The following CREB5 variants were observed in gnomAD, a reference collection of about 807,000 sequenced individuals.
The protein encoded by CREB5 is cyclic AMP-responsive element-binding protein 5.
Under a neutral mutation model 57.1 loss-of-function variants are expected in CREB5, and 19 were observed. The observed-to-expected ratio is 0.33, with a 90% CI of 0.23 to 0.49. The LOEUF (loss-of-function observed/expected upper bound fraction) is 0.49, where lower values mean the gene tolerates loss of function less well. CREB5 is among the 20% of genes least tolerant of loss of function. CREB5 has a pLI of 0.99. For synonymous variants in CREB5, 238 were observed against 238.3 expected, an observed-to-expected ratio of 1.00 and a Z score of 0.01; for missense variants, 579 against 671.6, an observed-to-expected ratio of 0.86 and a Z score of 1.52.
intron 2 of CREB5, among the ~76,000 whole-genome samples, chr7:28,489,019 A>G (rs1461574418): frequency 6.6e-6 from 1 of 152,260 alleles, no homozygotes; most frequent in Non-Finnish European, 1.5e-5. Flanking sequence ...TACCTTTGGA[A>G]GGTGACAGTG....
chr7:28,648,874 TTTCTGAAGTCTCTC>T (rs1448470457), intron 5 of CREB5, among the ~76,000 whole-genome samples: 1 of 152,246 alleles, frequency 6.6e-6, no homozygotes, highest in African/African-American at 2.4e-5. Context: ...AGCCTGTGCT[TTTCTGAAGTCTCTC>T]TTCTTTTGCT....
upstream of CREB5, chr7:28,410,283 C>A: frequency 2.2e-6 from 1 of 456,446 alleles, no homozygotes; most frequent in South Asian, 1.5e-5. Context: ...GCCTCCGCTG[C>A]TTTCTTGCTG....
intron 8 of CREB5, among the ~76,000 whole-genome samples, chr7:28,804,903 C>G (rs902093382): frequency 2.6e-5 from 4 of 152,166 alleles, no homozygotes; most frequent in African/African-American, 7.2e-5. Context: ...TTAATTCTAA[C>G]CCTGGTTCTA....
chr7:28,810,618 T>C (rs1809058092), intron 9 of CREB5, among the ~76,000 whole-genome samples: 1 of 152,184 alleles, frequency 6.6e-6, no homozygotes. Context: ...ATGGCTTGAA[T>C]GCAGGAGGGA....
At chr7:28,622,834 A>G (rs1168343485) in intron 5 of CREB5, among the ~76,000 whole-genome samples, 1 of 152,112 alleles carries the variant, frequency 6.6e-6, no homozygotes, top group East Asian at 1.9e-4. Context: ...CAGCCTGGGT[A>G]ACATAGTGAG....
chr7:28,734,229 A>C (rs1173718835), intron 7 of CREB5, among the ~76,000 whole-genome samples: 7 of 145,024 alleles, frequency 4.8e-5, no homozygotes, highest in African/African-American at 9.9e-5. Flanking sequence ...AAAAAAAAAA[A>C]ACACAAACAA....
chr7:28,503,310 G>C (rs1203214333), intron 3 of CREB5, among the ~76,000 whole-genome samples: 1 of 152,004 alleles, frequency 6.6e-6, no homozygotes, highest in Non-Finnish European at 1.5e-5. Context: ...AACAACTTTC[G>C]GTTCTTTTGA....
At chr7:28,602,056 A>C (rs1796938722) in intron 5 of CREB5, among the ~76,000 whole-genome samples, 1 of 151,640 alleles carries the variant, frequency 6.6e-6, no homozygotes, top group African/African-American at 2.4e-5. Flanking sequence ...TTTCCTGCAT[A>C]AGGGCAATCT....
At position 28,709,305 on chromosome 7, in the gene CREB5, G is replaced by GA. The variant is rs199911234; in HGVS notation, c.465-9439dup. ...TAAAAAGCCTTTCACTCTTTATAAG[G>GA]AAAAAAAAATCAGATTTTGAAAATG... On this transcript the variant is annotated intron_variant, in intron 5 of 10. Coordinates refer to ENST00000357727, the MANE Select transcript of CREB5 (RefSeq NM_182898.4). Among the ~76,000 whole-genome samples the GA allele has an allele frequency of 1.7e-3, 261 of 149,968 alleles. 1 individual carries two copies. Among genetic ancestry groups the GA allele is most frequent in the Middle Eastern group, 6.8e-3 (2 of 292 alleles).
intron 4 of CREB5, among the ~76,000 whole-genome samples, chr7:28,514,975 A>AC: frequency 6.6e-6 from 1 of 152,248 alleles, no homozygotes. Context: ...GGGAAAGACT[A>AC]TTGTGTTGGA....
At chr7:28,540,137 T>C (rs1346181443) in intron 4 of CREB5, among the ~76,000 whole-genome samples, 2 of 152,230 alleles carry the variant, frequency 1.3e-5, no homozygotes, top group Admixed American at 6.5e-5. Context: ...TATTTTATAA[T>C]ATCGACCACC....
intron 1 of CREB5, among the ~76,000 whole-genome samples, chr7:28,300,126 C>T (rs939205139): frequency 6.6e-6 from 1 of 151,408 alleles, no homozygotes; most frequent in African/African-American, 2.4e-5. Flanking sequence ...TCATTTCACT[C>T]ATACAGGGAG....
chr7:28,378,244 A>C (rs1375982452), intron 1 of CREB5, among the ~76,000 whole-genome samples: 2 of 152,016 alleles, frequency 1.3e-5, no homozygotes, highest in African/African-American at 4.8e-5. Context: ...AGGCTTTTAA[A>C]AGTTAAGACC....
intron 5 of CREB5, among the ~76,000 whole-genome samples, chr7:28,673,860 G>A (rs911712061): frequency 2.0e-5 from 3 of 151,734 alleles, no homozygotes; most frequent in Non-Finnish European, 4.4e-5. Context: ...TTTTTGTAGA[G>A]ACGGGGTCTC....
At chr7:28,612,055 TG>T (rs1354456868) in intron 5 of CREB5, among the ~76,000 whole-genome samples, 1 of 152,178 alleles carries the variant, frequency 6.6e-6, no homozygotes, top group Non-Finnish European at 1.5e-5. Flanking sequence ...TATGAGCTCA[TG>T]ATGCCAGGAA....
intron 7 of CREB5, among the ~76,000 whole-genome samples, chr7:28,744,291 A>T (rs1262225415): frequency 1.4e-5 from 2 of 146,356 alleles, no homozygotes; most frequent in Non-Finnish European, 3.0e-5. Context: ...CACCAGTCAT[A>T]TTAGATTAGG....
intron 1 of CREB5, among the ~76,000 whole-genome samples, chr7:28,371,322 A>G (rs1159523021): frequency 6.6e-6 from 1 of 152,050 alleles, no homozygotes; most frequent in Admixed American, 6.6e-5. Context: ...TACAAAAAAA[A>G]GTAAATAAAT....
intron 7 of CREB5, among the ~76,000 whole-genome samples, chr7:28,803,316 A>G (rs555589601): frequency 5.3e-5 from 8 of 152,346 alleles, no homozygotes; most frequent in African/African-American, 1.4e-4. Flanking sequence ...AGACCTACAC[A>G]TTACCTCCGA....
chr7:28,414,153 TCTC>T (rs918994105), intron 1 of CREB5, among the ~76,000 whole-genome samples: 5 of 151,400 alleles, frequency 3.3e-5, no homozygotes, highest in African/African-American at 9.8e-5. Flanking sequence ...TTTTCTTTCT[TCTC>T]CTTCTCCTTC....
Sources: allele counts gnomAD v4.1 joint callset (sites outside exome capture counted in the v4.1 genomes callset), GRCh38; gene constraint gnomAD v4.1.1; transcripts MANE v1.5; gene names NCBI Gene and HGNC (gene_info 2026-07-23, HGNC 2026-07-21).